The following GPM6A variants were observed in gnomAD, a reference collection of about 807,000 sequenced individuals.
GPM6A encodes the protein neuronal membrane glycoprotein M6-a.
In GPM6A, 7 loss-of-function variants were observed where a neutral mutation model predicts 32.1. The observed-to-expected ratio is 0.22, with a 90% CI of 0.12 to 0.41. The LOEUF (loss-of-function observed/expected upper bound fraction) is 0.41, where lower values mean the gene tolerates loss of function less well. Ranked by LOEUF, GPM6A falls within the 10% of genes least tolerant of loss-of-function variation. GPM6A has a pLI of 1.00. For missense variants in GPM6A, 235 were observed against 347.2 expected (o/e 0.68, Z 2.57); for synonymous variants, 130 against 123.4 (o/e 1.05, Z -0.35).
At chr4:175,890,770 G>T (rs993315125) in intron 1 of GPM6A, among the ~76,000 whole-genome samples, 1 of 151,816 alleles carries the variant, frequency 6.6e-6, no homozygotes, top group African/African-American at 2.4e-5. Context: ...TGCCCAGACT[G>T]GTCTCAAACC....
At chr4:175,725,231 CTTA>C (rs1670896102) in intron 1 of GPM6A, among the ~76,000 whole-genome samples, 1 of 151,178 alleles carries the variant, frequency 6.6e-6, no homozygotes. Context: ...AATATAAGCT[CTTA>C]TTATTAGGCC....
At chr4:175,934,970 C>A (rs1227409899) in intron 1 of GPM6A, among the ~76,000 whole-genome samples, 2 of 152,138 alleles carry the variant, frequency 1.3e-5, no homozygotes, top group Non-Finnish European at 2.9e-5. Flanking sequence ...TCAAAGGTCA[C>A]AACCAAGCAC....
At chr4:175,777,505 A>C (rs1361579272) in intron 1 of GPM6A, among the ~76,000 whole-genome samples, 2 of 152,122 alleles carry the variant, frequency 1.3e-5, no homozygotes, top group African/African-American at 4.8e-5. Context: ...TGAGATAGAG[A>C]ACATTCTCTT....
chr4:175,899,978 A>C (rs918237116), intron 1 of GPM6A, among the ~76,000 whole-genome samples: 1 of 152,128 alleles, frequency 6.6e-6, no homozygotes, highest in South Asian at 2.1e-4. Flanking sequence ...CATCTGACAC[A>C]GGATTAATAA....
chr4:175,740,071 C>A (rs1731817499), intron 1 of GPM6A, among the ~76,000 whole-genome samples: 1 of 151,904 alleles, frequency 6.6e-6, no homozygotes, highest in Non-Finnish European at 1.5e-5. Flanking sequence ...TTAAAGCTAG[C>A]TTAGTTAAAT....
intron 2 of GPM6A, among the ~76,000 whole-genome samples, chr4:175,676,467 G>T (rs768242684): frequency 1.3e-5 from 2 of 152,154 alleles, no homozygotes; most frequent in African/African-American, 4.8e-5. Context: ...AAACTGAATT[G>T]GGTGGGGGCA....
intron 1 of GPM6A, among the ~76,000 whole-genome samples, chr4:175,853,903 T>A (rs950608037): frequency 2.0e-5 from 3 of 152,212 alleles, no homozygotes; most frequent in African/African-American, 7.2e-5. Flanking sequence ...TGTTTTATAA[T>A]TGTTCCACAT....
intron 1 of GPM6A, among the ~76,000 whole-genome samples, chr4:175,894,440 T>C (rs1005791869): frequency 9.9e-5 from 15 of 152,168 alleles, no homozygotes; most frequent in Non-Finnish European, 1.6e-4. Flanking sequence ...AGACTAACTC[T>C]GTCTGATAGA....
intron 1 of GPM6A, among the ~76,000 whole-genome samples, chr4:175,756,264 G>T (rs1732520557): frequency 6.6e-6 from 1 of 152,022 alleles, no homozygotes. Context: ...TTGCATTTTG[G>T]GAAGAATGCT....
At chr4:175,749,507 A>G (rs999030734) in intron 1 of GPM6A, among the ~76,000 whole-genome samples, 7 of 152,182 alleles carry the variant, frequency 4.6e-5, no homozygotes, top group Non-Finnish European at 1.0e-4. Flanking sequence ...GCATGTGTAA[A>G]TAAATGTAAT....
intron 1 of GPM6A, among the ~76,000 whole-genome samples, chr4:175,805,589 T>G (rs1283656798): frequency 6.6e-6 from 1 of 152,190 alleles, no homozygotes; most frequent in African/African-American, 2.4e-5. Context: ...TCATCATTTC[T>G]CATATGATAA....
intron 1 of GPM6A, among the ~76,000 whole-genome samples, chr4:175,771,869 A>G (rs1019915347): frequency 6.6e-6 from 1 of 152,202 alleles, no homozygotes; most frequent in African/African-American, 2.4e-5. Context: ...AGTCTGATCA[A>G]ATCCACTGAC....
At chr4:175,707,054 C>A (rs549089368) in intron 1 of GPM6A, among the ~76,000 whole-genome samples, 40 of 152,254 alleles carry the variant, frequency 2.6e-4, no homozygotes, top group Non-Finnish European at 4.9e-4. Context: ...AAAAATTGCT[C>A]CCCCCTTTCC....
intron 3 of GPM6A, among the ~76,000 whole-genome samples, chr4:175,673,142 AATAG>A (rs776017466): frequency 9.5e-4 from 145 of 152,254 alleles, no homozygotes; most frequent in Non-Finnish European, 1.2e-3. Flanking sequence ...CTCATGCATT[AATAG>A]ATAGATACGC....
chr4:175,698,669 G>A (rs1246604064), intron 2 of GPM6A, among the ~76,000 whole-genome samples: 1 of 152,100 alleles, frequency 6.6e-6, no homozygotes, highest in Non-Finnish European at 1.5e-5. Flanking sequence ...CAAATACTTT[G>A]TTAGCTCTGC....
chr4:175,699,284 T>C (rs1744740858), intron 2 of GPM6A, among the ~76,000 whole-genome samples: 1 of 152,188 alleles, frequency 6.6e-6, no homozygotes, highest in South Asian at 2.1e-4. Context: ...AAATGATGAA[T>C]ATGACTTATA....
At chr4:175,639,954 G>A (rs1281336287) in intron 6 of GPM6A, among the ~76,000 whole-genome samples, 175 bp downstream of exon 6, 2 of 151,118 alleles carry the variant, frequency 1.3e-5, no homozygotes, top group Non-Finnish European at 2.9e-5. Flanking sequence ...AATATTTCTT[G>A]GGGTTTAGTC....
At position 175,701,640 on chromosome 4, in the gene GPM6A, G is replaced by A. The variant is rs1481263363; in HGVS notation, c.165C>T (p.Val55=). The change falls in exon 2 of 7, where the codon GTC becomes GTT. Residue 55 remains valine (V), a synonymous_variant. Coordinates refer to ENST00000393658, the MANE Select transcript of GPM6A (RefSeq NM_201591.3). ...GCGHEALSGT[V]NILQTYFEMA... Reference sequence around the variant, plus strand: ...TCTCAAAGTAGGTTTGCAGAATGTTGACAGTTCCAGAAAGCGCTTCATGAC... The same window carrying A: ...TCTCAAAGTAGGTTTGCAGAATGTTAACAGTTCCAGAAAGCGCTTCATGAC... 1 of 1,613,946 alleles carries A rather than the reference G, an allele frequency of 6.2e-7. No individual in the cohort carries two copies. Among genetic ancestry groups the A allele is most frequent in the East Asian group, 2.2e-5 (1 of 44,862 alleles).
At chr4:175,764,590 T>C (rs926727298) in intron 1 of GPM6A, among the ~76,000 whole-genome samples, 2 of 152,100 alleles carry the variant, frequency 1.3e-5, no homozygotes, top group Non-Finnish European at 1.5e-5. Context: ...GACCAATACC[T>C]TTCCAGTATA....
Sources: gnomAD v4.1 joint callset for allele counts (sites outside exome capture counted in the v4.1 genomes callset) on GRCh38, gnomAD v4.1.1 for gene constraint, MANE v1.5 for transcripts, NCBI Gene and HGNC (gene_info 2026-07-23, HGNC 2026-07-21) for gene names.